The following PADI3 variants were observed in gnomAD, a reference collection of about 807,000 sequenced individuals.
PADI3 encodes the protein peptidyl arginine deiminase 3, also known as protein-arginine deiminase type-3.
A neutral mutation model predicts 71.5 loss-of-function variants in PADI3; 53 were observed. The observed-to-expected ratio is 0.74, with a 90% CI of 0.59 to 0.93. PADI3 has a LOEUF of 0.93. PADI3 is among the 40% of genes least tolerant of loss of function. PADI3 has a pLI of 0.00. For synonymous variants in PADI3, 361 were observed against 347.5 expected (o/e 1.04, Z -0.43); for missense variants, 821 against 868.0 (o/e 0.95, Z 0.68).
chr1:17,273,563 G>A, intron 10 of PADI3, 116 bp downstream of exon 10: 1 of 580,052 alleles, frequency 1.7e-6, no homozygotes. Context: ...TAGGGATGAG[G>A]GTAGGGTTGC....
chr1:17,261,877 G>A (rs893765093), intron 2 of PADI3, among the ~76,000 whole-genome samples: 3 of 152,194 alleles, frequency 2.0e-5, no homozygotes, highest in Admixed American at 2.0e-4. Context: ...CCAAAGGGGA[G>A]CAAGAGCTTG....
At chr1:17,257,626 G>A (rs762746760) in intron 1 of PADI3, among the ~76,000 whole-genome samples, 3 of 152,242 alleles carry the variant, frequency 2.0e-5, no homozygotes, top group Non-Finnish European at 2.9e-5. Flanking sequence ...CTGCCTGATG[G>A]AGAGAAGCTT....
At chr1:17,272,448 G>A (rs1003044608) in intron 9 of PADI3, among the ~76,000 whole-genome samples, 2 of 152,100 alleles carry the variant, frequency 1.3e-5, no homozygotes, top group Non-Finnish European at 2.9e-5. Flanking sequence ...CTAACTAGCT[G>A]TGAGCTTTGG....
At chr1:17,280,599 C>A in intron 14 of PADI3, 72 bp from the exon 15 acceptor site, 3 of 1,600,866 alleles carry the variant, frequency 1.9e-6, no homozygotes, top group Non-Finnish European at 1.7e-6. Flanking sequence ...GTGAGGGGAG[C>A]GACAGGATGC....
At chr1:17,251,326 G>T (rs2072963360) in intron 1 of PADI3, among the ~76,000 whole-genome samples, 1 of 152,166 alleles carries the variant, frequency 6.6e-6, no homozygotes, top group African/African-American at 2.4e-5. Flanking sequence ...AACAATCCTG[G>T]GTCCTCAGCC....
At chr1:17,259,841 C>G (rs1258445648) in intron 2 of PADI3, 83 bp downstream of exon 2, 10 of 1,265,364 alleles carry the variant, frequency 7.9e-6, no homozygotes, top group Middle Eastern at 2.2e-4. Flanking sequence ...TTCTCTTTCT[C>G]CAGAGCGCAG....
At position 17,271,186 on chromosome 1, in the gene PADI3, C is replaced by T; in HGVS notation, c.1047+8C>T. 6.2e-7 allele frequency: 1 copy of T among 1,610,306 alleles called. No individual in the cohort carries two copies. The highest frequency in any genetic ancestry group is 2.2e-5 in the East Asian group (1 of 44,844). Reference sequence around the variant, plus strand: ...AACGACCGCTGGATCCAGGTAACCACAGCCACTGGGCAGGGCCCAGCAAGG... The same window carrying T: ...AACGACCGCTGGATCCAGGTAACCATAGCCACTGGGCAGGGCCCAGCAAGG... On this transcript the variant is annotated splice_region_variant and intron_variant, in intron 9 of 15. Transcript: ENST00000375460.
intron 2 of PADI3, among the ~76,000 whole-genome samples, chr1:17,261,314 G>A (rs75553469): frequency 0.021 from 3,155 of 152,258 alleles, 112 homozygotes; most frequent in African/African-American, 0.07. Context: ...GCTGTGGGCC[G>A]GGCACCGAGC....
At position 17,280,338 on chromosome 1, in the gene PADI3, T is replaced by C; in HGVS notation, c.1556-12T>C. ...TGTCCCTGTCCTTCTCTTTCATCTCTCTCCTTCACAGATGATGAGCAGGTC... is the reference window on the plus strand; with the variant it reads ...TGTCCCTGTCCTTCTCTTTCATCTCCCTCCTTCACAGATGATGAGCAGGTC... On this transcript the variant is annotated splice_polypyrimidine_tract_variant and intron_variant, in intron 13 of 15. Transcript: ENST00000375460. 6.2e-7 allele frequency: 1 copy of C among 1,610,038 alleles called. No homozygotes were observed. The highest frequency in any genetic ancestry group is 1.3e-5 in the African/African-American group (1 of 74,950).
chr1:17,275,289 T>A (rs1410443759), intron 11 of PADI3, among the ~76,000 whole-genome samples: 8 of 147,278 alleles, frequency 5.4e-5, no homozygotes, highest in Admixed American at 5.4e-4. Flanking sequence ...AAAAAAAAAT[T>A]AGCCAGGCGT....
At chr1:17,258,224 C>T (rs528186697) in intron 1 of PADI3, among the ~76,000 whole-genome samples, 68 of 152,340 alleles carry the variant, frequency 4.5e-4, no homozygotes, top group Middle Eastern at 3.4e-3. Context: ...CTCCAGGAGG[C>T]CCTCCAACTC....
chr1:17,249,263 T>C, intron 1 of PADI3, 34 bp downstream of exon 1: 1 of 1,518,338 alleles, frequency 6.6e-7, no homozygotes, highest in South Asian at 1.1e-5. Context: ...TTGCAGGCCC[T>C]TGGTGCTGAT....
intron 11 of PADI3, among the ~76,000 whole-genome samples, chr1:17,275,653 G>C (rs1188039064): frequency 6.6e-6 from 1 of 152,190 alleles, no homozygotes; most frequent in African/African-American, 2.4e-5. Flanking sequence ...GTTCAGTAGT[G>C]ACACAGGGGT....
At chr1:17,274,073 G>T (rs1280346837) in intron 10 of PADI3, among the ~76,000 whole-genome samples, 3 of 152,212 alleles carry the variant, frequency 2.0e-5, no homozygotes, top group Non-Finnish European at 4.4e-5. Flanking sequence ...AGAGTGACTT[G>T]CCTGGTGCCG....
intron 3 of PADI3, among the ~76,000 whole-genome samples, chr1:17,264,363 C>CACACAT (rs1491228914): frequency 1.3e-5 from 2 of 148,268 alleles, no homozygotes; most frequent in African/African-American, 5.0e-5. Context: ...CACACACACA[C>CACACAT]GAATAATTAC....
At chr1:17,252,072 A>G (rs2072972399) in intron 1 of PADI3, among the ~76,000 whole-genome samples, 1 of 152,166 alleles carries the variant, frequency 6.6e-6, no homozygotes, top group Non-Finnish European at 1.5e-5. Context: ...ATTGGAGATG[A>G]CCCAGGCATG....
At chr1:17,259,123 G>T (rs918464788) in intron 1 of PADI3, among the ~76,000 whole-genome samples, 2 of 152,208 alleles carry the variant, frequency 1.3e-5, no homozygotes, top group African/African-American at 4.8e-5. Flanking sequence ...AGGCTGGAGT[G>T]CAGTGGTGCA....
Position 17,280,653 on chromosome 1 carries a change from GC to G in PADI3, c.1636-15del. On this transcript the variant is annotated splice_polypyrimidine_tract_variant and intron_variant, in intron 14 of 15. Coordinates refer to ENST00000375460, the MANE Select transcript of PADI3 (RefSeq NM_016233.2). ...CACTGGCAAGGTGTCCCCAACTCTG[GC>G]CCTCCCCTGCCCCCAGAGCTGCATC... 3.1e-6 allele frequency: 5 copies of G among 1,614,006 alleles called. No individual in the cohort carries two copies. Among genetic ancestry groups the G allele is most frequent in the Non-Finnish European group, 4.2e-6 (5 of 1,179,956 alleles).
In PADI3 at chr1:17,283,693, G is replaced by A. The variant is rs2073434228; in HGVS notation, c.*614G>A. The stretch of plus-strand genomic sequence containing the variant: ...AGCTGTCACATAGTAGGAGCTTCTA[G>A]ATGCATGTGGAAGCAATGAGAGTTG... On this transcript the variant is annotated 3_prime_UTR_variant, in exon 16 of 16. Transcript: ENST00000375460. The A allele has an allele frequency of 6.6e-6, 1 of 152,398 alleles. No individual in the cohort carries two copies. The highest frequency in any genetic ancestry group is 2.1e-4 in the South Asian group (1 of 4,834). 9.4% of individuals were successfully genotyped at this position (152,398 alleles called of 1,614,324 possible). A position where few individuals can be genotyped will look rare whatever the true frequency, so the allele number is the denominator to read the frequency against.
Sources: allele counts gnomAD v4.1 joint callset (sites outside exome capture counted in the v4.1 genomes callset), GRCh38; gene constraint gnomAD v4.1.1; transcripts MANE v1.5; gene names NCBI Gene and HGNC (gene_info 2026-07-23, HGNC 2026-07-21).